GRM7: variants seen among roughly 807,000 people sequenced by gnomAD.
GRM7 encodes the protein metabotropic glutamate receptor 7.
GRM7 carries 35 observed loss-of-function variants against 84.5 expected under a neutral mutation model. That is an observed-to-expected ratio of 0.41 (90% CI 0.32 to 0.55). The LOEUF (loss-of-function observed/expected upper bound fraction) is 0.55, where lower values mean the gene tolerates loss of function less well. Ranked by LOEUF, GRM7 falls within the 20% of genes least tolerant of loss-of-function variation. The probability of loss-of-function intolerance (pLI) is 0.19; values close to 1 mark genes in which losing one functional copy is unlikely to be tolerated. For synonymous variants in GRM7, 487 were observed against 455.1 expected (o/e 1.07, Z -0.89); for missense variants, 1,003 against 1,194.6 (o/e 0.84, Z 2.36).
chr3:6,951,039 G>A (rs1340697585), intron 1 of GRM7, among the ~76,000 whole-genome samples: 2 of 152,054 alleles, frequency 1.3e-5, no homozygotes, highest in East Asian at 1.9e-4. Context: ...TTCGGCTCAC[G>A]CACAGTGCGC....
chr3:7,143,308 A>G (rs9844393), intron 1 of GRM7, among the ~76,000 whole-genome samples: 36,652 of 152,066 alleles, frequency 0.24, 5,078 homozygotes, highest in African/African-American at 0.39. Flanking sequence ...ATCATTTTTC[A>G]CAGGTTACAT....
chr3:7,179,478 A>G (rs10510353), intron 2 of GRM7, among the ~76,000 whole-genome samples: 34,468 of 152,206 alleles, frequency 0.23, 4,426 homozygotes, highest in Non-Finnish European at 0.3. Context: ...GATTATAGAC[A>G]TCAACCACTG....
intron 4 of GRM7, among the ~76,000 whole-genome samples, chr3:7,325,742 T>C (rs76595886): frequency 0.092 from 14,048 of 152,228 alleles, 878 homozygotes; most frequent in Non-Finnish European, 0.14. Context: ...TCTCTATATA[T>C]TGAGTCTTTT....
intron 1 of GRM7, among the ~76,000 whole-genome samples, chr3:7,029,301 C>CAAAA (rs57622634): frequency 4.9e-4 from 27 of 55,208 alleles, no homozygotes; most frequent in African/African-American, 1.1e-3. Context: ...GACTCTGCCT[C>CAAAA]AAAAAAAAAA....
chr3:6,940,539 CT>C (rs1005526050), intron 1 of GRM7, among the ~76,000 whole-genome samples: 1 of 152,102 alleles, frequency 6.6e-6, no homozygotes, highest in Non-Finnish European at 1.5e-5. Flanking sequence ...CAATAAGAAA[CT>C]TTTTATCATT....
chr3:7,468,815 T>C lies in GRM7; in HGVS notation c.1515+7093T>C, dbSNP rs550845773. 7.2e-5 allele frequency among the ~76,000 whole-genome samples: 11 copies of C among 152,312 alleles called. No individual in the cohort carries two copies. In the East Asian group the frequency reaches 7.7e-4, roughly 11 times the overall value. ...TTCCACTGCTTTCACTCCTTTCTCC[T>C]GCCACCATACAAAGAAGGTCCTTGC... On this transcript the variant is annotated intron_variant, in intron 7 of 9. Transcript: ENST00000357716.
intron 1 of GRM7, among the ~76,000 whole-genome samples, chr3:6,920,419 G>C (rs962933063): frequency 4.6e-5 from 7 of 152,040 alleles, no homozygotes; most frequent in Non-Finnish European, 1.0e-4. Flanking sequence ...GCTGGGCATG[G>C]TGGCATGCAC....
chr3:7,593,238 C>T (rs1247884514), intron 8 of GRM7, among the ~76,000 whole-genome samples: 1 of 152,058 alleles, frequency 6.6e-6, no homozygotes, highest in Non-Finnish European at 1.5e-5. Flanking sequence ...GAAAGAGTGG[C>T]CCCATATTCA....
chr3:7,711,332 T>A (rs573429877), intron 9 of GRM7, among the ~76,000 whole-genome samples: 2 of 152,238 alleles, frequency 1.3e-5, no homozygotes, highest in African/African-American at 4.8e-5. Context: ...AGTGAAGATA[T>A]GATTCACGTA....
chr3:7,462,421 A>C (rs903630346), intron 7 of GRM7, among the ~76,000 whole-genome samples: 1 of 152,218 alleles, frequency 6.6e-6, no homozygotes, highest in Non-Finnish European at 1.5e-5. Flanking sequence ...CCTCACAGAC[A>C]CACCTAGAAT....
chr3:7,362,380 C>T (rs2221668), intron 4 of GRM7, among the ~76,000 whole-genome samples: 95,388 of 151,806 alleles, frequency 0.63, 30,475 homozygotes, highest in African/African-American at 0.76. Context: ...AAATTCAAAA[C>T]GAGAGAAAAT....
intron 4 of GRM7, among the ~76,000 whole-genome samples, chr3:7,348,215 T>A (rs930194541): frequency 6.6e-6 from 1 of 152,150 alleles, no homozygotes; most frequent in African/African-American, 2.4e-5. Flanking sequence ...CCAGGCCATA[T>A]ATCTATGGAC....
intron 2 of GRM7, among the ~76,000 whole-genome samples, chr3:7,157,486 A>AT (rs1249156024): frequency 5.3e-5 from 8 of 151,430 alleles, no homozygotes; most frequent in East Asian, 1.9e-4. Context: ...AAATGAAGGG[A>AT]TTTTTTTTTC....
At chr3:6,947,490 T>G (rs985052193) in intron 1 of GRM7, among the ~76,000 whole-genome samples, 3 of 152,196 alleles carry the variant, frequency 2.0e-5, no homozygotes, top group Non-Finnish European at 2.9e-5. Context: ...TCAATGTTCG[T>G]CAAGGATATT....
chr3:7,012,476 A>T (rs1258887865), intron 1 of GRM7, among the ~76,000 whole-genome samples: 4 of 152,116 alleles, frequency 2.6e-5, no homozygotes, highest in Non-Finnish European at 5.9e-5. Flanking sequence ...AATAGCCCTC[A>T]TTGACATATT....
intron 7 of GRM7, among the ~76,000 whole-genome samples, chr3:7,507,328 T>C (rs1700069030): frequency 6.6e-6 from 1 of 152,144 alleles, no homozygotes. Context: ...GACAAGCAAA[T>C]ACCAACTATA....
At chr3:7,185,149 C>G (rs1695472047) in intron 2 of GRM7, among the ~76,000 whole-genome samples, 1 of 152,112 alleles carries the variant, frequency 6.6e-6, no homozygotes. Context: ...GCAAATGCGA[C>G]CACCATGGCC....
At chr3:6,940,842 C>G (rs1029776262) in intron 1 of GRM7, among the ~76,000 whole-genome samples, 1 of 152,172 alleles carries the variant, frequency 6.6e-6, no homozygotes, top group Non-Finnish European at 1.5e-5. Context: ...TCTTCCTCAC[C>G]TACTCTACCC....
At chr3:7,330,183 A>G (rs1282591110) in intron 4 of GRM7, among the ~76,000 whole-genome samples, 1 of 152,182 alleles carries the variant, frequency 6.6e-6, no homozygotes, top group Non-Finnish European at 1.5e-5. Context: ...TCAAATATAT[A>G]TTGAATTCCT....
Sources: gnomAD v4.1 joint callset for allele counts (sites outside exome capture counted in the v4.1 genomes callset) on GRCh38, gnomAD v4.1.1 for gene constraint, MANE v1.5 for transcripts, NCBI Gene and HGNC (gene_info 2026-07-23, HGNC 2026-07-21) for gene names.